The following SGO1 variants were observed in gnomAD, a reference collection of about 807,000 sequenced individuals.
SGO1 encodes the protein shugoshin 1.
Under a neutral mutation model 50.5 loss-of-function variants are expected in SGO1, and 39 were observed. The observed-to-expected ratio is 0.77, with a 90% CI of 0.60 to 1.01. The LOEUF is 1.01. Among genes scored for constraint, SGO1 ranks in the 50% least tolerant of loss-of-function variants. The pLI is 0.00. For missense variants in SGO1, 638 were observed against 606.0 expected (o/e 1.05, Z -0.55); for synonymous variants, 191 against 205.1 (o/e 0.93, Z 0.59).
intron 8 of SGO1, among the ~76,000 whole-genome samples, chr3:20,162,961 A>G (rs749816079): frequency 2.2e-4 from 33 of 152,090 alleles, no homozygotes; most frequent in Non-Finnish European, 3.2e-4. Flanking sequence ...ATGACAACAT[A>G]TAAAAATCTG....
At position 20,169,579 on chromosome 3, in the gene SGO1, A is replaced by G; in HGVS notation, c.*1125T>C. 2.0e-6 allele frequency: 2 copies of G among 985,328 alleles called. No individual in the cohort carries two copies. The highest frequency in any genetic ancestry group is 2.4e-6 in the Non-Finnish European group (2 of 829,794). 61.0% of individuals were successfully genotyped at this position (985,328 alleles called of 1,614,324 possible). ...TACAAGTATAGACATCAAACTTTCT[A>G]AACTGAACTAATTCGCTTTCATTGG... On this transcript the variant is annotated 3_prime_UTR_variant, in exon 8 of 8. Coordinates refer to ENST00000412997, the MANE Select transcript of SGO1 (RefSeq NM_001199251.3).
At chr3:20,182,680 T>C (rs1209921588) in intron 3 of SGO1, among the ~76,000 whole-genome samples, 1 of 152,140 alleles carries the variant, frequency 6.6e-6, no homozygotes, top group Admixed American at 6.5e-5. Flanking sequence ...AGCAGGACCA[T>C]ATTTGAACAC....
chr3:20,180,453 C>A (rs561540457), intron 3 of SGO1, among the ~76,000 whole-genome samples: 1 of 151,936 alleles, frequency 6.6e-6, no homozygotes, highest in Non-Finnish European at 1.5e-5. Flanking sequence ...TTGAGAGATA[C>A]GAAAGCACAT....
At chr3:20,168,861 G>T, downstream of SGO1, 1 of 714,266 alleles carries the variant, frequency 1.4e-6, no homozygotes, top group Non-Finnish European at 1.7e-6. Flanking sequence ...CGATCTCCTT[G>T]ACCTCTCGTG....
At chr3:20,162,615 T>TA (rs1357052666) in intron 8 of SGO1, among the ~76,000 whole-genome samples, 2 of 151,716 alleles carry the variant, frequency 1.3e-5, no homozygotes, top group Non-Finnish European at 2.9e-5. Context: ...AATAATCGAC[T>TA]AAAAGAAAAA....
At chr3:20,180,048 G>C (rs1295195652) in intron 3 of SGO1, among the ~76,000 whole-genome samples, 1 of 152,112 alleles carries the variant, frequency 6.6e-6, no homozygotes, top group Non-Finnish European at 1.5e-5. Flanking sequence ...TGTAATCCTA[G>C]CATTTAGGGA....
At chr3:20,164,577 T>C (rs1389183904), downstream of SGO1, among the ~76,000 whole-genome samples, 4 of 152,298 alleles carry the variant, frequency 2.6e-5, no homozygotes, top group Admixed American at 2.6e-4. Flanking sequence ...GAGGAAGTTC[T>C]AGTCAGTGCA....
chr3:20,173,567 C>G (rs934332374), intron 6 of SGO1, among the ~76,000 whole-genome samples: 2 of 152,208 alleles, frequency 1.3e-5, no homozygotes, highest in Non-Finnish European at 2.9e-5. Context: ...ACCTATACTT[C>G]ACAGAATTGT....
rs1439941618 is a variant in SGO1, at chr3:20,183,936, G to A, written c.92C>T (p.Ala31Val). Reference sequence around the variant, plus strand: ...AAAAGACCTGCGTTTGCCAATCTCTGCCAAGTTTTTATTCCTTTTCTCTTT... The same window carrying A: ...AAAAGACCTGCGTTTGCCAATCTCTACCAAGTTTTTATTCCTTTTCTCTTT... Reference protein sequence around the residue: ...RMKEKRNKNLAEIGKRRSFIA... With the variant: ...RMKEKRNKNLVEIGKRRSFIA... Residue 31 changes from alanine (A) to valine (V), a missense_variant, in exon 2 of 8, where the codon GCA becomes GTA. Physicochemically the swap from Ala to Val is moderately conservative, Grantham distance 64. Transcript: ENST00000412997. 1 of 1,612,710 alleles carries A rather than the reference G, an allele frequency of 6.2e-7. No homozygotes were observed. Among genetic ancestry groups the A allele is most frequent in the Non-Finnish European group, 8.5e-7 (1 of 1,179,672 alleles).
At chr3:20,182,801 G>A (rs1386415660) in intron 3 of SGO1, among the ~76,000 whole-genome samples, 6 of 152,090 alleles carry the variant, frequency 3.9e-5, no homozygotes. Context: ...GGCGGATCAC[G>A]AGGTCAGGAG....
At chr3:20,171,310 A>C in intron 6 of SGO1, 78 bp from the exon 7 acceptor site, 2 of 1,142,926 alleles carry the variant, frequency 1.7e-6, no homozygotes, top group Non-Finnish European at 2.4e-6. Context: ...AATTGTATAT[A>C]TCTTAACTGT....
At chr3:20,169,396 G>A (rs1700496778), downstream of SGO1, 1 of 984,922 alleles carries the variant, frequency 1.0e-6, no homozygotes, top group Non-Finnish European at 1.2e-6. Flanking sequence ...ACCAAGGGGA[G>A]GGGAGAGGAA....
In SGO1 at chr3:20,171,104, C is replaced by G; in HGVS notation, c.1411G>C (p.Val471Leu). The G allele has an allele frequency of 6.2e-7, 1 of 1,613,130 alleles. No homozygotes were observed. Among genetic ancestry groups the G allele is most frequent in the Non-Finnish European group, 8.5e-7 (1 of 1,179,746 alleles). ...GTGCACCTACGTTTAGGCAGAGCCA[C>G]TGCTGGGCTTGCTTTATTCTTTTTT... is the stretch of plus-strand genomic sequence containing the variant. ...SPKKNKASPA[V>L]ALPKRRCTAS... The change falls in exon 7 of 8, where the codon GTG becomes CTG. Residue 471 changes from valine to leucine, a missense_variant. By Grantham distance (32) the Val-to-Leu change is conservative. Transcript: ENST00000412997.
At chr3:20,166,417 A>G (rs1700304875), downstream of SGO1, among the ~76,000 whole-genome samples, 1 of 152,198 alleles carries the variant, frequency 6.6e-6, no homozygotes, top group African/African-American at 2.4e-5. Flanking sequence ...AAGGAATAAA[A>G]TTTTGATACA....
chr3:20,179,446 A>T (rs900527897), intron 3 of SGO1, among the ~76,000 whole-genome samples: 5 of 152,148 alleles, frequency 3.3e-5, no homozygotes, highest in African/African-American at 1.2e-4. Context: ...TTTTTTTGAA[A>T]TAAAGTCTTG....
intron 3 of SGO1, among the ~76,000 whole-genome samples, chr3:20,180,754 T>G (rs1049552525): frequency 2.6e-5 from 4 of 152,208 alleles, no homozygotes; most frequent in African/African-American, 9.6e-5. Flanking sequence ...CTTTTGAAAT[T>G]TGATGAACAT....
chr3:20,163,611 G>A (rs1217981497), intron 8 of SGO1, among the ~76,000 whole-genome samples: 7 of 152,180 alleles, frequency 4.6e-5, no homozygotes, highest in Admixed American at 1.3e-4. Flanking sequence ...TTTTGTTTCC[G>A]AAGTCAATAT....
chr3:20,186,596 A>C (rs1024959100), upstream of SGO1: 3 of 152,290 alleles, frequency 2.0e-5, no homozygotes, highest in Non-Finnish European at 4.4e-5. Flanking sequence ...GCCAGCTTGC[A>C]ACACGGAAGC....
intron 6 of SGO1, 103 bp downstream of exon 6, chr3:20,174,146 C>T (rs1298637603): frequency 5.3e-6 from 5 of 944,120 alleles, no homozygotes; most frequent in Non-Finnish European, 8.2e-6. Flanking sequence ...GGTAAGTCTC[C>T]AACCTCCACC....
Sources: allele counts gnomAD v4.1 joint callset (sites outside exome capture counted in the v4.1 genomes callset), GRCh38; gene constraint gnomAD v4.1.1; transcripts MANE v1.5; gene names NCBI Gene and HGNC (gene_info 2026-07-23, HGNC 2026-07-21).